Variants in ZNF470 observed in about 807,000 individuals in gnomAD.
ZNF470 encodes zinc finger protein 470.
A neutral mutation model predicts 13.9 loss-of-function variants in ZNF470; 13 were observed. The observed-to-expected ratio is 0.94, with a 90% confidence interval of 0.61 to 1.49. The LOEUF is 1.49. ZNF470 is among the 40% of genes most tolerant of loss of function. ZNF470 has a pLI of 0.00. For synonymous variants in ZNF470, 293 were observed against 282.9 expected (o/e 1.04, Z -0.36); for missense variants, 929 against 857.3 (o/e 1.08, Z -1.04).
At chr19:56,572,628 AAG>A (rs2044463536) in intron 3 of ZNF470, among the ~76,000 whole-genome samples, 1 of 151,114 alleles carries the variant, frequency 6.6e-6, no homozygotes, top group African/African-American at 2.4e-5. Context: ...GTTTACCTTC[AAG>A]AGACTCAAAA....
Position 56,574,418 on chromosome 19 carries a change from G to A in ZNF470, c.85G>A (p.Ala29Thr), listed in dbSNP as rs761576937. 18 of 1,613,680 alleles carry A rather than the reference G, an allele frequency of 1.1e-5. No homozygotes were observed. The highest frequency in any genetic ancestry group is 1.5e-5 in the Non-Finnish European group (18 of 1,179,748). The change falls in exon 4 of 6, where the codon GCC becomes ACC. Residue 29 changes from alanine to threonine, a missense_variant. Ala to Thr is a moderately conservative substitution (Grantham distance 58, BLOSUM62 0). Transcript: ENST00000330619. The stretch of plus-strand genomic sequence containing the variant: ...GGGTTCAGTGACTTTCACAGATGTG[G>A]CCATAGACTTTTCCCAAGATGAATG... ...SLGSVTFTDV[A>T]IDFSQDEWEW...
At position 56,581,790 on chromosome 19, in the gene ZNF470, C is replaced by G. The variant is rs1244862914; in HGVS notation, c.*3207C>G. The G allele has an allele frequency of 1.2e-5, 12 of 985,284 alleles. No individual in the cohort carries two copies. Among genetic ancestry groups the G allele is most frequent in the Non-Finnish European group, 1.4e-5 (12 of 829,928 alleles). 61.0% of individuals were successfully genotyped at this position (985,284 alleles called of 1,614,324 possible). On this transcript the variant is annotated 3_prime_UTR_variant, in exon 6 of 6. Coordinates refer to ENST00000330619, the MANE Select transcript of ZNF470 (RefSeq NM_001001668.4). ...CTTTTGAGTAACTGGCCATACCCTA[C>G]CATATGTTTTTGATGGACGTGGCCA...
At chr19:56,575,724 C>T (rs1292298841) in intron 5 of ZNF470, among the ~76,000 whole-genome samples, 1 of 152,140 alleles carries the variant, frequency 6.6e-6, no homozygotes, top group Non-Finnish European at 1.5e-5. Flanking sequence ...ACTCCCACCA[C>T]AGCTTCTTGA....
In ZNF470 at chr19:56,577,859, G is replaced by A. The variant is rs763931556; in HGVS notation, c.1430G>A (p.Gly477Glu). Residue 477 changes from glycine (G) to glutamate (E), a missense_variant, in exon 6 of 6, where the codon GGA becomes GAA. Coordinates refer to ENST00000330619, the MANE Select transcript of ZNF470 (RefSeq NM_001001668.4). Reference sequence around the variant, plus strand: ...ACTCTTCATCAGAGAGTTCATACTGGAGAGAAACCCTATGAATGTAAAGAA... The same window carrying A: ...ACTCTTCATCAGAGAGTTCATACTGAAGAGAAACCCTATGAATGTAAAGAA... ...SLTLHQRVHT[G>E]EKPYECKECG... is the part of the protein sequence containing the mutation. 53 of 1,613,886 alleles carry A rather than the reference G, an allele frequency of 3.3e-5. No individual in the cohort carries two copies. Among genetic ancestry groups the A allele is most frequent in the Non-Finnish European group, 4.3e-5 (51 of 1,179,972 alleles).
intron 2 of ZNF470, among the ~76,000 whole-genome samples, chr19:56,569,178 T>G (rs1167181335): frequency 6.6e-6 from 1 of 152,206 alleles, no homozygotes; most frequent in Non-Finnish European, 1.5e-5. Flanking sequence ...GGAATTTAGA[T>G]GAAAGAAACT....
intron 3 of ZNF470, among the ~76,000 whole-genome samples, chr19:56,570,994 T>C (rs1376915901): frequency 6.6e-6 from 1 of 152,202 alleles, no homozygotes; most frequent in Non-Finnish European, 1.5e-5. Context: ...GAGCAGGATA[T>C]AGCCTGCACC....
Position 56,578,546 on chromosome 19 carries a change from T to C in ZNF470, c.2117T>C (p.Ile706Thr), listed in dbSNP as rs376270967. ...ATTCATACCGGAGAGTCATCAGTTA[T>C]TCTCTCCTCTGCCCTCCCATACCAC... ...QRIHTGESSV[I>T]LSSALPYHQV... The change falls in exon 6 of 6, where the codon ATT becomes ACT. Residue 706 changes from isoleucine to threonine, a missense_variant. By Grantham distance (89) the Ile-to-Thr change is moderately conservative. Transcript: ENST00000330619. 2.2e-5 allele frequency: 35 copies of C among 1,574,094 alleles called. No individual in the cohort carries two copies. The highest frequency in any genetic ancestry group is 5.4e-5 in the African/African-American group (4 of 73,798).
Position 56,579,392 on chromosome 19 carries a change from C to G in ZNF470, c.*809C>G, listed in dbSNP as rs1159371115. 4 of 962,426 alleles carry G rather than the reference C, an allele frequency of 4.2e-6. No homozygotes were observed. The African/African-American group carries it at 7.0e-5, about 17-fold the overall frequency. The allele number at this position is 962,426 out of a possible 1,614,324, so 59.6% of individuals were successfully genotyped here. ...AGTCATGATCACACCACTGCAATTC[C>G]AGCTGGGCAGCAGAGCCAGACACTG... is the stretch of plus-strand genomic sequence containing the variant. On this transcript the variant is annotated 3_prime_UTR_variant, in exon 6 of 6. Coordinates refer to ENST00000330619, the MANE Select transcript of ZNF470 (RefSeq NM_001001668.4).
At chr19:56,574,326 C>T (rs116132759) in intron 3 of ZNF470, 68 bp from the exon 4 acceptor site, 2 of 1,609,016 alleles carry the variant, frequency 1.2e-6, no homozygotes, top group Non-Finnish European at 1.7e-6. Flanking sequence ...AACAGCATAA[C>T]TCTTTACCCT....
rs2147989586 is a variant in ZNF470, at chr19:56,579,812, G to A, written c.*1229G>A. On this transcript the variant is annotated 3_prime_UTR_variant, in exon 6 of 6. Transcript: ENST00000330619. The stretch of plus-strand genomic sequence containing the variant: ...TGATAAAAATATTTCTCCCTAAATT[G>A]TAAATTCATTGATATTCCAGTAAAA... 1 of 880,246 alleles carries A rather than the reference G, an allele frequency of 1.1e-6. No individual in the cohort carries two copies. The highest frequency in any genetic ancestry group is 1.4e-6 in the Non-Finnish European group (1 of 734,396). 54.5% of individuals were successfully genotyped at this position (880,246 alleles called of 1,614,324 possible). A position where few individuals can be genotyped will look rare whatever the true frequency, so the allele number is the denominator to read the frequency against.
rs1315729588 is a variant in ZNF470, at chr19:56,577,169, A to G, written c.740A>G (p.Gln247Arg). ...AAAATCTCAACCCTTACTCTTCACC[A>G]AAGAATTCATACAGGAGAGAAACCC... ...FSKISTLTLHQRIHTGEKPYE... is the reference protein window; with the variant it reads ...FSKISTLTLHRRIHTGEKPYE... Residue 247 changes from glutamine (Q) to arginine (R), a missense_variant, in exon 6 of 6, where the codon CAA (glutamine) becomes CGA (arginine). Physicochemically the swap from Gln to Arg is conservative, Grantham distance 43. Transcript: ENST00000330619. The G allele has an allele frequency of 8.7e-6, 14 of 1,613,372 alleles. No individual in the cohort carries two copies. In the East Asian group the frequency reaches 2.9e-4, roughly 33 times the overall value.
chr19:56,570,586 T>C (rs1247226673), intron 3 of ZNF470, among the ~76,000 whole-genome samples: 1 of 152,126 alleles, frequency 6.6e-6, no homozygotes, highest in East Asian at 1.9e-4. Context: ...TCCTGCTCAT[T>C]GTTTATTTTT....
At chr19:56,569,936 C>T (rs1335976113) in intron 2 of ZNF470, among the ~76,000 whole-genome samples, 1 of 152,008 alleles carries the variant, frequency 6.6e-6, no homozygotes, top group Non-Finnish European at 1.5e-5. Context: ...ATACAGTGAG[C>T]TATGATCACG....
At chr19:56,570,516 G>C in intron 3 of ZNF470, 145 bp downstream of exon 3, 1 of 756,170 alleles carries the variant, frequency 1.3e-6, no homozygotes, top group South Asian at 1.7e-5. Context: ...ATGTGATGGG[G>C]TTGTGAGTGA....
rs1446035933 is a variant in ZNF470 at position 56,578,651 on chromosome 19, C to T, written c.*68C>T. The T allele has an allele frequency of 2.2e-6, 3 of 1,377,780 alleles. No homozygotes were observed. Among genetic ancestry groups the T allele is most frequent in the Non-Finnish European group, 2.8e-6 (3 of 1,060,644 alleles). 85.3% of individuals were successfully genotyped at this position (1,377,780 alleles called of 1,614,324 possible). On this transcript the variant is annotated 3_prime_UTR_variant, in exon 6 of 6. Transcript: ENST00000330619. ...CAGCACATGTCCCATCATCATAGTC[C>T]AAGACGCAACCATCTCATCTGGATT...
rs1363281074 is a variant in ZNF470 at position 56,577,455 on chromosome 19, T to C, written c.1026T>C (p.Cys342=). 1.2e-6 allele frequency: 2 copies of C among 1,613,734 alleles called. No homozygotes were observed. The highest frequency in any genetic ancestry group is 2.2e-5 in the South Asian group (2 of 91,082). ...ACACTGGAGAGAAACCCTATGAATG[T>C]ATTGAATGTGGGAAGGCTTTTAGTG... ...RVHTGEKPYE[C]IECGKAFSDC... The change falls in exon 6 of 6, where the codon TGT becomes TGC. Residue 342 remains cysteine, a synonymous_variant. Transcript: ENST00000330619.
Position 56,579,733 on chromosome 19 carries a change from A to G in ZNF470, c.*1150A>G, listed in dbSNP as rs1046623288. 2 of 979,902 alleles carry G rather than the reference A, an allele frequency of 2.0e-6. No homozygotes were observed. Among genetic ancestry groups the G allele is most frequent in the South Asian group, 4.7e-5 (1 of 21,178 alleles). 60.7% of individuals were successfully genotyped at this position (979,902 alleles called of 1,614,324 possible). A position where few individuals can be genotyped will look rare whatever the true frequency, so the allele number is the denominator to read the frequency against. On this transcript the variant is annotated 3_prime_UTR_variant, in exon 6 of 6. Transcript: ENST00000330619. ...AATGTAGATGTTACAACTTAAACTT[A>G]TTTTTAAAATATTTAAAAATAGGAA...
chr19:56,581,489 TAAAAC>T lies in ZNF470; in HGVS notation c.*2909_*2913del, dbSNP rs761782944. 1 of 900,748 alleles carries T rather than the reference TAAAAC, an allele frequency of 1.1e-6. No individual in the cohort carries two copies. The highest frequency in any genetic ancestry group is 1.3e-6 in the Non-Finnish European group (1 of 753,238). 55.8% of individuals were successfully genotyped at this position (900,748 alleles called of 1,614,324 possible). On this transcript the variant is annotated 3_prime_UTR_variant, in exon 6 of 6. Coordinates refer to ENST00000330619, the MANE Select transcript of ZNF470 (RefSeq NM_001001668.4). ...GGCAAAAAAATTAATGGTAAACTAT[TAAAAC>T]AACAAGTGTCCATCAGGGTAATAAA... is the stretch of plus-strand genomic sequence containing the variant.
At chr19:56,571,151 C>G (rs2044449210) in intron 3 of ZNF470, among the ~76,000 whole-genome samples, 1 of 152,194 alleles carries the variant, frequency 6.6e-6, no homozygotes, top group African/African-American at 2.4e-5. Flanking sequence ...TTGTTCTCCC[C>G]ATTTGACCAT....
Sources: allele counts gnomAD v4.1 joint callset (sites outside exome capture counted in the v4.1 genomes callset), GRCh38; gene constraint gnomAD v4.1.1; transcripts MANE v1.5; gene names NCBI Gene and HGNC (gene_info 2026-07-23, HGNC 2026-07-21).